Variants in CDIP1 observed in about 807,000 individuals in gnomAD.
CDIP1 encodes the protein cell death inducing p53 target 1.
CDIP1 carries 9 observed loss-of-function variants against 17.7 expected under a neutral mutation model. That is an observed-to-expected ratio of 0.51 (90% CI 0.31 to 0.89). CDIP1 has a LOEUF of 0.89. CDIP1 is among the 40% of genes least tolerant of loss of function. The pLI is 0.05. For missense variants in CDIP1, 263 were observed against 277.9 expected (o/e 0.95, Z 0.38); for synonymous variants, 117 against 109.5 (o/e 1.07, Z -0.43).
intron 1 of CDIP1, among the ~76,000 whole-genome samples, chr16:4,526,961 G>A (rs1352463649): frequency 3.3e-5 from 5 of 151,864 alleles, no homozygotes; most frequent in Non-Finnish European, 5.9e-5. Context: ...GTGATATGGC[G>A]GTAGGAGCAG....
At chr16:4,523,298 G>A (rs576791155) in intron 1 of CDIP1, among the ~76,000 whole-genome samples, 80 of 152,260 alleles carry the variant, frequency 5.3e-4, no homozygotes, top group African/African-American at 1.6e-3. Context: ...GGCGGATTAC[G>A]AGGTCCAGAG....
chr16:4,515,955 T>C (rs889094858), intron 1 of CDIP1, among the ~76,000 whole-genome samples: 6 of 152,142 alleles, frequency 3.9e-5, no homozygotes, highest in Non-Finnish European at 7.4e-5. Context: ...TGAAAACCTG[T>C]CTACACAGAA....
chr16:4,537,010 C>A (rs2059114484), intron 1 of CDIP1, among the ~76,000 whole-genome samples: 1 of 152,172 alleles, frequency 6.6e-6, no homozygotes, highest in Non-Finnish European at 1.5e-5. Context: ...AACCTCCGAA[C>A]TCCTTCAAAT....
At position 4,511,482 on chromosome 16, in the gene CDIP1, TAA is replaced by T. The variant is rs893382628; in HGVS notation, c.*1088_*1089del. On this transcript the variant is annotated 3_prime_UTR_variant, in exon 6 of 6. Transcript: ENST00000567695. ...GCAAGTTCACAAACCATTCAGGAAATAAAGACAGGGCGAGGCTGGTGTCCACC... is the reference window on the plus strand; with the variant it reads ...GCAAGTTCACAAACCATTCAGGAAATAGACAGGGCGAGGCTGGTGTCCACC... 2 of 152,532 alleles carry T rather than the reference TAA, an allele frequency of 1.3e-5. No homozygotes were observed. Among genetic ancestry groups the T allele is most frequent in the Non-Finnish European group, 2.9e-5 (2 of 68,114 alleles). 9.4% of individuals were successfully genotyped at this position (152,532 alleles called of 1,614,324 possible). A position where few individuals can be genotyped will look rare whatever the true frequency, so the allele number is the denominator to read the frequency against.
intron 1 of CDIP1, among the ~76,000 whole-genome samples, chr16:4,520,153 C>T (rs760756888): frequency 1.3e-5 from 2 of 151,334 alleles, no homozygotes; most frequent in Non-Finnish European, 2.9e-5. Context: ...CGCTCTATCA[C>T]CAGGCTGGAG....
At chr16:4,522,203 G>C (rs892978645) in intron 1 of CDIP1, among the ~76,000 whole-genome samples, 2 of 152,238 alleles carry the variant, frequency 1.3e-5, no homozygotes, top group Admixed American at 1.3e-4. Flanking sequence ...AACTCTTTGA[G>C]AAGGCAGAGA....
intron 1 of CDIP1, among the ~76,000 whole-genome samples, chr16:4,515,600 A>T (rs1161775608): frequency 6.6e-6 from 1 of 152,216 alleles, no homozygotes; most frequent in Non-Finnish European, 1.5e-5. Flanking sequence ...AAGACAACCC[A>T]ATTTTTAAAA....
intron 1 of CDIP1, among the ~76,000 whole-genome samples, chr16:4,529,628 T>G (rs1364788326): frequency 3.9e-5 from 6 of 152,182 alleles, no homozygotes; most frequent in Non-Finnish European, 7.3e-5. Flanking sequence ...CTGACTAATT[T>G]TAGAAACAGC....
intron 1 of CDIP1, among the ~76,000 whole-genome samples, chr16:4,516,623 G>A (rs1242229384): frequency 6.6e-6 from 1 of 151,610 alleles, no homozygotes; most frequent in African/African-American, 2.4e-5. Context: ...TAAAGTGTTG[G>A]GATTACAGGC....
Position 4,512,811 on chromosome 16 carries a change from A to G in CDIP1, c.495T>C (p.Gly165=). ...YEIGLMNFVL[G]FFCCFMGCDL... ...CCTACCCCATGAAGCAACAGAAGAA[A>G]CCCAGCACGAAATTCATCAAGCCAA... The change falls in exon 5 of 6, where the codon GGT becomes GGC. Residue 165 remains glycine (G), a synonymous_variant. Transcript: ENST00000567695. This position sits in a 1 kb window ranked among gnomAD's most constrained non-coding sequence, Gnocchi z 4.6. The G allele has an allele frequency of 6.4e-7, 1 of 1,568,324 alleles. No homozygotes were observed. The highest frequency in any genetic ancestry group is 8.6e-7 in the Non-Finnish European group (1 of 1,156,552).
In CDIP1 at chr16:4,513,801, G is replaced by A. The variant is rs758170819; in HGVS notation, c.136C>T (p.Pro46Ser). The change falls in exon 4 of 6, where the codon CCT becomes TCT. Residue 46 changes from proline (P) to serine (S), a missense_variant. Physicochemically the swap from Pro to Ser is moderately conservative, Grantham distance 74. Coordinates refer to ENST00000567695, the MANE Select transcript of CDIP1 (RefSeq NM_013399.3). This position sits in a 1 kb window ranked among gnomAD's most constrained non-coding sequence, Gnocchi z 4.1. The stretch of plus-strand genomic sequence containing the variant: ...TAGGGTGGGGGGCCAATGTCCGCAG[G>A]GGGCAGTGGCATGCCTGGAGGGGGC... ...MQPPPGMPLPPADIGPPPYEP... is the reference protein window; with the variant it reads ...MQPPPGMPLPSADIGPPPYEP... 6.3e-7 allele frequency: 1 copy of A among 1,598,684 alleles called. No individual in the cohort carries two copies. The highest frequency in any genetic ancestry group is 1.1e-5 in the South Asian group (1 of 89,650).
In CDIP1 at chr16:4,513,048, T is replaced by C. The variant is rs2058849715; in HGVS notation, c.258A>G (p.Pro86=). ...AGTAGCCCATGGGTGGGTGGGGGCCTGGAGGAGGGTAGAAACCTGGAATGG... is the reference window on the plus strand; with the variant it reads ...AGTAGCCCATGGGTGGGTGGGGGCCCGGAGGAGGGTAGAAACCTGGAATGG... ...TYMPPGFYPP[P]GPHPPMGYYP... The change falls in exon 5 of 6, where the codon CCA becomes CCG. Residue 86 remains proline (P), a synonymous_variant. Transcript: ENST00000567695. The surrounding 1 kb of genome is among the most constrained non-coding windows in gnomAD (Gnocchi z 4.1). The C allele has an allele frequency of 1.9e-6, 3 of 1,591,796 alleles. No individual in the cohort carries two copies. Among genetic ancestry groups the C allele is most frequent in the Non-Finnish European group, 2.6e-6 (3 of 1,172,126 alleles).
At chr16:4,520,355 G>A (rs892080959) in intron 1 of CDIP1, among the ~76,000 whole-genome samples, 6 of 151,952 alleles carry the variant, frequency 3.9e-5, no homozygotes, top group Non-Finnish European at 7.4e-5. Context: ...TGCCCGCCTC[G>A]GCCTCCCAAA....
At position 4,512,218 on chromosome 16, in the gene CDIP1, A is replaced by T; in HGVS notation, c.*354T>A. 1 of 297,852 alleles carries T rather than the reference A, an allele frequency of 3.4e-6. No homozygotes were observed. Among genetic ancestry groups the T allele is most frequent in the Non-Finnish European group, 6.5e-6 (1 of 153,546 alleles). 18.5% of individuals were successfully genotyped at this position (297,852 alleles called of 1,614,324 possible). A position where few individuals can be genotyped will look rare whatever the true frequency, so the allele number is the denominator to read the frequency against. On this transcript the variant is annotated 3_prime_UTR_variant, in exon 6 of 6. Coordinates refer to ENST00000567695, the MANE Select transcript of CDIP1 (RefSeq NM_013399.3). The surrounding 1 kb of genome is among the most constrained non-coding windows in gnomAD (Gnocchi z 4.6). ...AACTGCTCTGGCTGCTGTTGGTCCC[A>T]GGGGGAAAGAGTCTGGACTGAACCT... is the stretch of plus-strand genomic sequence containing the variant.
chr16:4,519,077 T>A (rs1433632909), intron 1 of CDIP1, among the ~76,000 whole-genome samples: 1 of 152,236 alleles, frequency 6.6e-6, no homozygotes, highest in African/African-American at 2.4e-5. Flanking sequence ...AATAGGTGCC[T>A]GTTTGAAAAT....
At chr16:4,516,551 A>G (rs555187080) in intron 1 of CDIP1, among the ~76,000 whole-genome samples, 1 of 152,232 alleles carries the variant, frequency 6.6e-6, no homozygotes, top group African/African-American at 2.4e-5. Flanking sequence ...CGGGGGTCTC[A>G]CTATGTTGCC....
intron 1 of CDIP1, among the ~76,000 whole-genome samples, chr16:4,526,496 G>A (rs1026425698): frequency 6.6e-6 from 1 of 151,888 alleles, no homozygotes; most frequent in Non-Finnish European, 1.5e-5. Flanking sequence ...TCAGGAGATT[G>A]AGGCCATCCT....
intron 1 of CDIP1, among the ~76,000 whole-genome samples, chr16:4,535,570 T>G (rs1399884532): frequency 6.6e-6 from 1 of 152,220 alleles, no homozygotes; most frequent in Non-Finnish European, 1.5e-5. Flanking sequence ...TCTTCACCTA[T>G]CACAGACGCG....
Position 4,512,886 on chromosome 16 carries a change from C to G in CDIP1, c.420G>C (p.Thr140=). The G allele has an allele frequency of 6.4e-7, 1 of 1,566,298 alleles. No individual in the cohort carries two copies. Among genetic ancestry groups the G allele is most frequent in the South Asian group, 1.2e-5 (1 of 85,374 alleles). Residue 140 remains threonine, a synonymous_variant, in exon 5 of 6, where the codon ACG becomes ACC. Coordinates refer to ENST00000567695, the MANE Select transcript of CDIP1 (RefSeq NM_013399.3). The surrounding 1 kb of genome is among the most constrained non-coding windows in gnomAD (Gnocchi z 4.6). ...GEIFEGAPVQ[T]VCPHCQQAIT... ...TGGCCTGCTGGCAGTGGGGACACAC[C>G]GTCTGCACAGGCGCTCCCTCAAAGA...
Sources: allele counts gnomAD v4.1 joint callset (sites outside exome capture counted in the v4.1 genomes callset), GRCh38; gene constraint gnomAD v4.1.1; non-coding constraint Gnocchi (gnomAD v3.1); transcripts MANE v1.5; gene names NCBI Gene and HGNC (gene_info 2026-07-23, HGNC 2026-07-21).